The following ATRNL1 variants were observed in gnomAD, a reference collection of about 807,000 sequenced individuals.
The protein encoded by ATRNL1 is attractin like 1, also known as attractin-like protein 1.
A neutral mutation model predicts 182.7 loss-of-function variants in ATRNL1; 95 were observed. The observed-to-expected ratio is 0.52, with a 90% CI of 0.44 to 0.62. The LOEUF (loss-of-function observed/expected upper bound fraction) is 0.62, where lower values mean the gene tolerates loss of function less well. ATRNL1 is among the 20% of genes least tolerant of loss of function. The pLI, the probability that ATRNL1 is intolerant of heterozygous loss-of-function variation, is 0.00. For synonymous variants in ATRNL1, 576 were observed against 568.3 expected (o/e 1.01, Z -0.19); for missense variants, 1,471 against 1,679.5 (o/e 0.88, Z 2.17).
chr10:115,110,186 T>C (rs781910350), intron 1 of ATRNL1, among the ~76,000 whole-genome samples: 5 of 152,186 alleles, frequency 3.3e-5, no homozygotes, highest in Admixed American at 6.5e-5. Context: ...CCCTTTTGAC[T>C]TTTATCCCTG....
At chr10:115,499,487 C>G (rs1371013706) in intron 24 of ATRNL1, among the ~76,000 whole-genome samples, 1 of 152,170 alleles carries the variant, frequency 6.6e-6, no homozygotes, top group South Asian at 2.1e-4. Flanking sequence ...GGACATGCAC[C>G]TGTGACACAG....
At chr10:115,846,994 A>G (rs1218782932) in intron 27 of ATRNL1, among the ~76,000 whole-genome samples, 3 of 152,122 alleles carry the variant, frequency 2.0e-5, no homozygotes, top group African/African-American at 7.2e-5. Flanking sequence ...ACAACTTAAT[A>G]AAATACTAGC....
intron 19 of ATRNL1, among the ~76,000 whole-genome samples, chr10:115,385,660 C>T (rs1459828598): frequency 7.5e-6 from 1 of 132,990 alleles, no homozygotes; most frequent in African/African-American, 2.5e-5. Flanking sequence ...TATTTTTTCT[C>T]TGTTTTTTTC....
At chr10:115,200,689 C>T (rs1244971193) in intron 8 of ATRNL1, among the ~76,000 whole-genome samples, 4 of 141,482 alleles carry the variant, frequency 2.8e-5, no homozygotes, top group Non-Finnish European at 4.6e-5. Context: ...AGTAAACATA[C>T]ATGTGCATGT....
At chr10:115,106,237 G>C (rs1166781310) in intron 1 of ATRNL1, among the ~76,000 whole-genome samples, 1 of 152,136 alleles carries the variant, frequency 6.6e-6, no homozygotes. Context: ...ACTTGCATAG[G>C]CCCTGTAACC....
intron 26 of ATRNL1, among the ~76,000 whole-genome samples, chr10:115,644,461 GAGAT>G (rs1361182988): frequency 6.6e-6 from 1 of 152,116 alleles, no homozygotes; most frequent in African/African-American, 2.4e-5. Context: ...GAGTCTCAAA[GAGAT>G]AGAGTAACTT....
chr10:115,621,586 G>A (rs782237934), intron 26 of ATRNL1, among the ~76,000 whole-genome samples: 1 of 149,110 alleles, frequency 6.7e-6, no homozygotes, highest in Non-Finnish European at 1.5e-5. Flanking sequence ...AAATGTGTGA[G>A]CCACTGCTCC....
At chr10:115,640,227 A>G (rs1318159608) in intron 26 of ATRNL1, among the ~76,000 whole-genome samples, 2 of 152,210 alleles carry the variant, frequency 1.3e-5, no homozygotes, top group Non-Finnish European at 2.9e-5. Flanking sequence ...ATAGCGCTGC[A>G]ATAAACATAT....
chr10:115,680,901 AT>A (rs1388723591), intron 26 of ATRNL1, among the ~76,000 whole-genome samples: 5 of 152,186 alleles, frequency 3.3e-5, no homozygotes, highest in Non-Finnish European at 2.9e-5. Flanking sequence ...TGGGACATTT[AT>A]TAGACTGAAT....
At chr10:115,578,632 TTTC>T (rs1854874467) in intron 26 of ATRNL1, among the ~76,000 whole-genome samples, 1 of 151,586 alleles carries the variant, frequency 6.6e-6, no homozygotes, top group Non-Finnish European at 1.5e-5. Context: ...ATCTTCTCTC[TTTC>T]TTCTTCTAGC....
rs192275014 is a variant in ATRNL1, at chr10:115,947,893, C to T, written c.*3114C>T. On this transcript the variant is annotated 3_prime_UTR_variant, in exon 29 of 29. Transcript: ENST00000355044. ...AAGGGCGGTAATGGTGCCCACCTTT[C>T]GAGGCATTGCGAGGCTAGATGGTAA... 4.6e-5 allele frequency: 7 copies of T among 152,280 alleles called. No homozygotes were observed. Among genetic ancestry groups the T allele is most frequent in the East Asian group, 1.9e-4 (1 of 5,172 alleles). 9.4% of individuals were successfully genotyped at this position (152,280 alleles called of 1,614,324 possible).
In ATRNL1 at chr10:115,469,203, A is replaced by C; in HGVS notation, c.3528A>C (p.Ile1176=). The change falls in exon 24 of 29, where the codon ATA becomes ATC. Residue 1176 remains isoleucine, a synonymous_variant. Transcript: ENST00000355044. ...CAATATCTGGGGAAGAGACTTCTAT[A>C]GTTTCCAAGAATAATATAAAGGAAT... ...AGTISGEETS[I]VSKNNIKEYR... 1 of 1,356,780 alleles carries C rather than the reference A, an allele frequency of 7.4e-7. No individual in the cohort carries two copies. The highest frequency in any genetic ancestry group is 9.8e-7 in the Non-Finnish European group (1 of 1,015,750). 84.0% of individuals were successfully genotyped at this position (1,356,780 alleles called of 1,614,324 possible). A position where few individuals can be genotyped will look rare whatever the true frequency, so the allele number is the denominator to read the frequency against.
At chr10:115,610,247 A>G (rs569530663) in intron 26 of ATRNL1, among the ~76,000 whole-genome samples, 81 of 152,318 alleles carry the variant, frequency 5.3e-4, no homozygotes, top group Middle Eastern at 3.4e-3. Context: ...CTTAACTGCT[A>G]CACTCTCATA....
intron 1 of ATRNL1, among the ~76,000 whole-genome samples, chr10:115,102,598 C>T (rs1398462530): frequency 6.6e-6 from 1 of 152,076 alleles, no homozygotes; most frequent in Non-Finnish European, 1.5e-5. Context: ...CATGTGCCAC[C>T]TCACCTGGCT....
chr10:115,852,153 C>T (rs1428066471), intron 28 of ATRNL1, among the ~76,000 whole-genome samples: 4 of 152,068 alleles, frequency 2.6e-5, no homozygotes, highest in African/African-American at 9.7e-5. Flanking sequence ...CCCAAATATC[C>T]ACTGCTGAAA....
intron 28 of ATRNL1, among the ~76,000 whole-genome samples, chr10:115,932,555 A>T (rs1388504823): frequency 1.3e-5 from 2 of 152,214 alleles, no homozygotes; most frequent in African/African-American, 2.4e-5. Flanking sequence ...AATGGCTAGA[A>T]GTGAGTGTTT....
intron 18 of ATRNL1, among the ~76,000 whole-genome samples, chr10:115,330,246 T>C (rs911167688): frequency 7.2e-5 from 11 of 152,178 alleles, no homozygotes; most frequent in Non-Finnish European, 2.9e-5. Context: ...CAAATCATTT[T>C]AGTTGTTGTT....
chr10:115,821,996 C>T (rs1349455583), intron 27 of ATRNL1, among the ~76,000 whole-genome samples: 1 of 152,162 alleles, frequency 6.6e-6, no homozygotes, highest in Non-Finnish European at 1.5e-5. Flanking sequence ...AGCACCACAT[C>T]ACACTTATTC....
At chr10:115,359,845 G>A (rs1336264961) in intron 19 of ATRNL1, among the ~76,000 whole-genome samples, 3 of 151,318 alleles carry the variant, frequency 2.0e-5, no homozygotes, top group Non-Finnish European at 4.4e-5. Flanking sequence ...TTAGCAGAAT[G>A]TATTATTCTA....
Sources: gnomAD v4.1 joint callset for allele counts (sites outside exome capture counted in the v4.1 genomes callset) on GRCh38, gnomAD v4.1.1 for gene constraint, MANE v1.5 for transcripts, NCBI Gene and HGNC (gene_info 2026-07-23, HGNC 2026-07-21) for gene names.